The following CACNA1H variants were observed in gnomAD, a reference collection of about 807,000 sequenced individuals.
CACNA1H encodes the protein calcium voltage-gated channel subunit alpha1 H.
Under a neutral mutation model 192.5 loss-of-function variants are expected in CACNA1H, and 149 were observed. That is an observed-to-expected ratio of 0.77 (90% CI 0.68 to 0.89). The LOEUF is 0.89. Among genes scored for constraint, CACNA1H ranks in the 40% least tolerant of loss-of-function variants. The probability of loss-of-function intolerance (pLI) is 0.00; values close to 1 mark genes in which losing one functional copy is unlikely to be tolerated. For synonymous variants in CACNA1H, 2,202 were observed against 1,475.2 expected, an observed-to-expected ratio of 1.49 and a Z score of -11.29; for missense variants, 4,257 against 3,423.5, an observed-to-expected ratio of 1.24 and a Z score of -6.08.
intron 2 of CACNA1H, among the ~76,000 whole-genome samples, chr16:1,161,164 G>T (rs553972987): frequency 6.6e-6 from 1 of 152,208 alleles, no homozygotes; most frequent in Non-Finnish European, 1.5e-5. Flanking sequence ...TGCTGGACTC[G>T]TCTGACCCTG....
rs1969121863 is a variant in CACNA1H at position 1,209,180 on chromosome 16, G to A, written c.3512G>A (p.Gly1171Asp). 1 of 1,553,054 alleles carries A rather than the reference G, an allele frequency of 6.4e-7. No individual in the cohort carries two copies. Among genetic ancestry groups the A allele is most frequent in the Non-Finnish European group, 8.7e-7 (1 of 1,149,368 alleles). Residue 1171 changes from glycine (G) to aspartate (D), a missense_variant, in exon 17 of 35, where the codon GGC becomes GAC. Transcript: ENST00000348261. The stretch of plus-strand genomic sequence containing the variant: ...CGTGAGTCCCTGCTGTCTGGCGAGG[G>A]CAAGGGCAGCACCGACGACGAAGCT... ...GERESLLSGE[G>D]KGSTDDEAED...
rs376236175 is a variant in CACNA1H, at chr16:1,210,810, C to T, written c.4062C>T (p.Ser1354=). ...AGGTGGTGGCCCTGGGGCTGCTGTCCGGCGAGCACGCCTACCTGCAGAGCA... is the reference window on the plus strand; with the variant it reads ...AGGTGGTGGCCCTGGGGCTGCTGTCTGGCGAGCACGCCTACCTGCAGAGCA... ...MVKVVALGLL[S]GEHAYLQSSW... is the part of the protein sequence containing the mutation. Residue 1354 remains serine, a synonymous_variant, in exon 21 of 35, where the codon TCC becomes TCT. Coordinates refer to ENST00000348261, the MANE Select transcript of CACNA1H (RefSeq NM_021098.3). 1.8e-4 allele frequency: 292 copies of T among 1,602,234 alleles called. No homozygotes were observed. The highest frequency in any genetic ancestry group is 2.1e-4 in the Non-Finnish European group (252 of 1,179,710).
In CACNA1H at chr16:1,202,282, T is replaced by C. The variant is rs772649295; in HGVS notation, c.1832T>C (p.Met611Thr). 4 of 1,582,976 alleles carry C rather than the reference T, an allele frequency of 2.5e-6. No homozygotes were observed. Among genetic ancestry groups the C allele is most frequent in the Non-Finnish European group, 1.7e-6 (2 of 1,166,770 alleles). Residue 611 changes from methionine (M) to threonine (T), a missense_variant, in exon 9 of 35, where the codon ATG becomes ACG. Coordinates refer to ENST00000348261, the MANE Select transcript of CACNA1H (RefSeq NM_021098.3). Reference protein sequence around the residue: ...SLRLATGLGTMNYPTILPSGV... With the variant: ...SLRLATGLGTTNYPTILPSGV... Reference sequence around the variant, plus strand: ...AGACTGGCCACAGGGCTGGGCACCATGAACTACCCCACGATCCTGCCCTCA... The same window carrying C: ...AGACTGGCCACAGGGCTGGGCACCACGAACTACCCCACGATCCTGCCCTCA...
At chr16:1,196,851 C>T (rs557328813) in intron 5 of CACNA1H, among the ~76,000 whole-genome samples, 18 of 152,264 alleles carry the variant, frequency 1.2e-4, no homozygotes, top group African/African-American at 3.4e-4. Context: ...CTCAGGGCTA[C>T]ATTCAACTGC....
In CACNA1H at chr16:1,200,307, G is replaced by A. The variant is rs1188721912; in HGVS notation, c.855G>A (p.Glu285=). 3 of 1,606,526 alleles carry A rather than the reference G, an allele frequency of 1.9e-6. No individual in the cohort carries two copies. The change falls in exon 7 of 35, where the codon GAG becomes GAA. Residue 285 remains glutamate (E), a synonymous_variant. Transcript: ENST00000348261. ...CGTACTACCAGACGGAGGAGGGCGAGGAGAACCCGTTCATCTGCTCCTCAC... is the reference window on the plus strand; with the variant it reads ...CGTACTACCAGACGGAGGAGGGCGAAGAGAACCCGTTCATCTGCTCCTCAC... ...LRPYYQTEEG[E]ENPFICSSRR... is the part of the protein sequence containing the mutation.
At chr16:1,211,335 G>A (rs1292495329) in intron 22 of CACNA1H, 41 bp downstream of exon 22, 6 of 1,611,396 alleles carry the variant, frequency 3.7e-6, no homozygotes, top group African/African-American at 1.3e-5. Context: ...CCCCGTCGCA[G>A]ACAGGGTCTG....
chr16:1,208,238 G>T lies in CACNA1H; in HGVS notation c.3363+17G>T. The T allele has an allele frequency of 5.2e-6, 8 of 1,534,282 alleles. No homozygotes were observed. Among genetic ancestry groups the T allele is most frequent in the Non-Finnish European group, 7.0e-6 (8 of 1,138,398 alleles). ...AAGCCTCCGGTAGGGACCATCTCCT[G>T]CCCCAGCTCTCAGGCCCCTTCAGGT... On this transcript the variant is annotated intron_variant, in intron 16 of 34. Transcript: ENST00000348261.
Position 1,201,810 on chromosome 16 carries a change from G to T in CACNA1H, c.1360G>T (p.Gly454Cys). ...DSTLASFSEP[G>C]SCYEELLKYV... ...CACGCTGGCCAGCTTCTCCGAGCCT[G>T]GCAGCTGCTACGAAGAGCTGCTGAA... is the stretch of plus-strand genomic sequence containing the variant. Residue 454 changes from glycine to cysteine, a missense_variant, in exon 9 of 35, where the codon GGC (glycine) becomes TGC (cysteine). Gly to Cys is a radical substitution (Grantham distance 159, BLOSUM62 -3). Coordinates refer to ENST00000348261, the MANE Select transcript of CACNA1H (RefSeq NM_021098.3). 6.3e-7 allele frequency: 1 copy of T among 1,588,198 alleles called. No homozygotes were observed. The highest frequency in any genetic ancestry group is 8.6e-7 in the Non-Finnish European group (1 of 1,168,276).
At position 1,219,099 on chromosome 16, in the gene CACNA1H, C is replaced by T; in HGVS notation, c.6017C>T (p.Ser2006Phe). ...CTGTCCCCTCGGGGCACAGCCCGCT[C>T]CCCCAGTCTCAGCCGGCTGCTCTGC... is the stretch of plus-strand genomic sequence containing the variant. ...HALSPRGTAR[S>F]PSLSRLLCRQ... Residue 2006 changes from serine (S) to phenylalanine (F), a missense_variant, in exon 34 of 35, where the codon TCC becomes TTC. Ser to Phe is a radical substitution (Grantham distance 155). Transcript: ENST00000348261. The T allele has an allele frequency of 1.9e-6, 3 of 1,546,154 alleles. No individual in the cohort carries two copies. The highest frequency in any genetic ancestry group is 2.4e-5 in the South Asian group (2 of 83,892).
Position 1,211,582 on chromosome 16 carries a change from G to C in CACNA1H, c.4452G>C (p.Lys1484Asn). 4 of 1,610,394 alleles carry C rather than the reference G, an allele frequency of 2.5e-6. No individual in the cohort carries two copies. Among genetic ancestry groups the C allele is most frequent in the Non-Finnish European group, 3.4e-6 (4 of 1,178,814 alleles). Residue 1484 changes from lysine to asparagine, a missense_variant, in exon 23 of 35, where the codon AAG becomes AAC. Lys to Asn is a moderately conservative substitution (Grantham distance 94). Transcript: ENST00000348261. ...RAAHYRWVRR[K>N]YNFDNLGQAL... ...CCCACTACCGCTGGGTGCGACGCAA[G>C]TACAACTTCGACAACCTGGGCCAGG...
At chr16:1,199,173 AC>A (rs1967416640) in intron 6 of CACNA1H, among the ~76,000 whole-genome samples, 1 of 21,276 alleles carries the variant, frequency 4.7e-5, no homozygotes. Flanking sequence ...CATATGCCCC[AC>A]CCCCATCATG....
intron 8 of CACNA1H, among the ~76,000 whole-genome samples, chr16:1,201,272 A>G (rs1320958022): frequency 6.6e-6 from 1 of 152,014 alleles, no homozygotes; most frequent in South Asian, 2.1e-4. Context: ...CTGAGAGAGC[A>G]AGCGAAGCGA....
At chr16:1,177,675 G>A (rs1426392582) in intron 2 of CACNA1H, among the ~76,000 whole-genome samples, 1 of 152,042 alleles carries the variant, frequency 6.6e-6, no homozygotes, top group Non-Finnish European at 1.5e-5. Context: ...TCTCGGTTCT[G>A]GAGGCTGGAC....
chr16:1,173,145 G>C (rs9972683), intron 2 of CACNA1H, among the ~76,000 whole-genome samples: 217 of 152,294 alleles, frequency 1.4e-3, no homozygotes, highest in African/African-American at 5.0e-3. Flanking sequence ...AGGTCCTAGC[G>C]TGTTTAAGCA....
chr16:1,213,034 C>T (rs1378723952), intron 26 of CACNA1H, among the ~76,000 whole-genome samples: 2 of 152,208 alleles, frequency 1.3e-5, no homozygotes, highest in African/African-American at 2.4e-5. Context: ...CCTTCACCCG[C>T]GGGAGCTCCT....
intron 2 of CACNA1H, among the ~76,000 whole-genome samples, chr16:1,160,352 C>T (rs1238476098): frequency 1.3e-5 from 2 of 152,192 alleles, no homozygotes; most frequent in African/African-American, 4.8e-5. Flanking sequence ...TAAGGAGCGA[C>T]CACTCACCCT....
intron 2 of CACNA1H, among the ~76,000 whole-genome samples, chr16:1,174,818 G>A (rs12933924): frequency 0.11 from 16,145 of 152,316 alleles, 1,122 homozygotes; most frequent in Admixed American, 0.14. Flanking sequence ...CAGGATGGCC[G>A]AGTTGGCGTG....
In CACNA1H at chr16:1,218,128, G is replaced by T. The variant is rs1025719937; in HGVS notation, c.5446-82G>T. 5 of 1,538,096 alleles carry T rather than the reference G, an allele frequency of 3.3e-6. No homozygotes were observed. The African/African-American group carries it at 5.5e-5, about 17-fold the overall frequency. ...GAACGGGTCGGATCCGTCCTTGCAG[G>T]GCAGGGGGAAGGGGACGGCACTGCC... is the stretch of plus-strand genomic sequence containing the variant. On this transcript the variant is annotated intron_variant, in intron 32 of 34. Transcript: ENST00000348261.
intron 2 of CACNA1H, among the ~76,000 whole-genome samples, chr16:1,169,613 C>T (rs1012851509): frequency 2.6e-5 from 4 of 152,364 alleles, no homozygotes; most frequent in Non-Finnish European, 2.9e-5. Context: ...GCCCATCAGC[C>T]GGCTCCCGGG....
Sources: gnomAD v4.1 joint callset for allele counts (sites outside exome capture counted in the v4.1 genomes callset) on GRCh38, gnomAD v4.1.1 for gene constraint, MANE v1.5 for transcripts, NCBI Gene and HGNC (gene_info 2026-07-23, HGNC 2026-07-21) for gene names.